MDFIC2: variants seen among roughly 807,000 people sequenced by gnomAD.
MDFIC2 encodes myoD family inhibitor domain-containing protein 2.
At chr3:70,197,345 C>A in intron 3 of MDFIC2, among the ~76,000 whole-genome samples, 160 bp from the exon 4 acceptor site, 1 of 152,202 alleles carries the variant, frequency 6.6e-6, no homozygotes, top group East Asian at 1.9e-4. Flanking sequence ...TCCCCCACCC[C>A]CATGTCAGTA....
chr3:70,287,490 G>A (rs2106688626), intron 2 of MDFIC2, among the ~76,000 whole-genome samples: 1 of 152,078 alleles, frequency 6.6e-6, no homozygotes, highest in East Asian at 1.9e-4. Flanking sequence ...TTGCATCAAT[G>A]TTCATTAAGG....
At chr3:70,211,552 C>T (rs867715605) in intron 2 of MDFIC2, among the ~76,000 whole-genome samples, 426 of 41,752 alleles carry the variant, frequency 0.01, 45 homozygotes, top group East Asian at 0.025. Context: ...CTTCCCTTCC[C>T]TTCCCTTTGC....
In MDFIC2 at chr3:70,195,588, G is replaced by A. The variant is rs962295418; in HGVS notation, c.*1338C>T. On this transcript the variant is annotated 3_prime_UTR_variant, in exon 4 of 4. Coordinates refer to ENST00000567252, the MANE Select transcript of MDFIC2 (RefSeq NM_001364677.1). ...AAGTCAGGAAAAAACAGGTATTTTG[G>A]AGCTTTCTTTTGTTGTTGCTGTTTC... 6.6e-6 allele frequency among the ~76,000 whole-genome samples: 1 copy of A among 152,204 alleles called. No homozygotes were observed. Among genetic ancestry groups the A allele is most frequent in the Middle Eastern group, 3.4e-3 (1 of 294 alleles).
At chr3:70,240,088 A>G (rs1201445248) in intron 2 of MDFIC2, among the ~76,000 whole-genome samples, 1 of 152,122 alleles carries the variant, frequency 6.6e-6, no homozygotes. Context: ...TACACAGGAC[A>G]TTTCTTTAAC....
chr3:70,293,045 C>CAAAAAAAA (rs55990203), intron 2 of MDFIC2, among the ~76,000 whole-genome samples: 1 of 74,818 alleles, frequency 1.3e-5, no homozygotes, highest in Non-Finnish European at 2.9e-5. Context: ...TGGTTTGAAG[C>CAAAAAAAA]AAAAAAAAAA....
intron 2 of MDFIC2, among the ~76,000 whole-genome samples, chr3:70,242,306 C>A (rs1701672491): frequency 6.6e-6 from 1 of 152,146 alleles, no homozygotes; most frequent in Non-Finnish European, 1.5e-5. Context: ...GTGGGAAAAA[C>A]ACATAGTGAC....
chr3:70,299,693 A>T (rs891185421), intron 2 of MDFIC2, among the ~76,000 whole-genome samples: 3 of 151,914 alleles, frequency 2.0e-5, no homozygotes, highest in Non-Finnish European at 4.4e-5. Flanking sequence ...CTAACTAGTC[A>T]CTCTGGTTTC....
At chr3:70,228,269 A>G (rs1009665901) in intron 2 of MDFIC2, among the ~76,000 whole-genome samples, 5 of 152,060 alleles carry the variant, frequency 3.3e-5, no homozygotes, top group African/African-American at 7.2e-5. Flanking sequence ...AAAACATAAC[A>G]CTATATTATA....
chr3:70,222,205 G>C (rs1327292749), intron 2 of MDFIC2, among the ~76,000 whole-genome samples: 1 of 152,164 alleles, frequency 6.6e-6, no homozygotes, highest in Non-Finnish European at 1.5e-5. Context: ...CAGGTGAACA[G>C]TCAGAGCCTT....
chr3:70,230,507 TA>T (rs1701548331), intron 2 of MDFIC2, among the ~76,000 whole-genome samples: 1 of 152,160 alleles, frequency 6.6e-6, no homozygotes, highest in Non-Finnish European at 1.5e-5. Context: ...ATCATATATA[TA>T]TATATACAGT....
rs143845000 is a variant in MDFIC2 at position 70,254,238 on chromosome 3, CT to C, written c.89-47449del. On this transcript the variant is annotated intron_variant, in intron 2 of 3. Transcript: ENST00000567252. ...CAGCTGTGAAGTCTGCATTTGAATT[CT>C]GTTAAGTTTAATGGATAAATTAAAG... Among the ~76,000 whole-genome samples, 707 of 152,186 alleles carry C rather than the reference CT, an allele frequency of 4.6e-3. 5 individuals are homozygous for C. The highest frequency in any genetic ancestry group is 7.9e-3 in the Non-Finnish European group (540 of 67,990).
chr3:70,221,074 C>A (rs1701457158), intron 2 of MDFIC2, among the ~76,000 whole-genome samples: 1 of 152,104 alleles, frequency 6.6e-6, no homozygotes, highest in Non-Finnish European at 1.5e-5. Context: ...ATAACTAGCA[C>A]TGGTGAAATA....
At chr3:70,239,163 G>T (rs1432410636) in intron 2 of MDFIC2, among the ~76,000 whole-genome samples, 5 of 152,166 alleles carry the variant, frequency 3.3e-5, no homozygotes, top group Non-Finnish European at 7.4e-5. Flanking sequence ...AGTGAAAAGT[G>T]GGGCTAGGAA....
At chr3:70,241,065 T>C (rs568405137) in intron 2 of MDFIC2, among the ~76,000 whole-genome samples, 1 of 152,260 alleles carries the variant, frequency 6.6e-6, no homozygotes, top group East Asian at 1.9e-4. Flanking sequence ...GTTTTTAGCC[T>C]GTGATGTGAC....
intron 2 of MDFIC2, among the ~76,000 whole-genome samples, chr3:70,210,492 T>C (rs1029634377): frequency 5.3e-5 from 8 of 152,132 alleles, no homozygotes; most frequent in Middle Eastern, 3.2e-3. Flanking sequence ...TTCCATCTTT[T>C]ATAGATGATG....
At chr3:70,199,513 G>A (rs1701215033) in intron 3 of MDFIC2, among the ~76,000 whole-genome samples, 1 of 152,044 alleles carries the variant, frequency 6.6e-6, no homozygotes, top group South Asian at 2.1e-4. Flanking sequence ...GTTTTAAAAG[G>A]CAGAGTCTCT....
At position 70,197,034 on chromosome 3, in the gene MDFIC2, A is replaced by G. The variant is rs954461467; in HGVS notation, c.462T>C (p.Asn154=). The change falls in exon 4 of 4, where the codon AAT becomes AAC. Residue 154 remains asparagine, a synonymous_variant. Coordinates refer to ENST00000567252, the MANE Select transcript of MDFIC2 (RefSeq NM_001364677.1). ...HHTSDENHSR[N]DCSCNCDMDC... ...CCATGTCACAATTGCAGCTGCAATCATTCCGAGAGTGGTTTTCATCCGAGG... is the reference window on the plus strand; with the variant it reads ...CCATGTCACAATTGCAGCTGCAATCGTTCCGAGAGTGGTTTTCATCCGAGG... 5.0e-6 allele frequency: 2 copies of G among 398,504 alleles called. No homozygotes were observed. Among genetic ancestry groups the G allele is most frequent in the African/African-American group, 4.1e-5 (2 of 48,642 alleles). 24.7% of individuals were successfully genotyped at this position (398,504 alleles called of 1,614,324 possible).
chr3:70,294,388 C>T (rs1230417079), intron 2 of MDFIC2, among the ~76,000 whole-genome samples: 1 of 152,010 alleles, frequency 6.6e-6, no homozygotes, highest in Non-Finnish European at 1.5e-5. Flanking sequence ...TATAAGCATT[C>T]ACTGCTGACA....
intron 2 of MDFIC2, among the ~76,000 whole-genome samples, chr3:70,283,409 T>A (rs1276126848): frequency 6.6e-6 from 1 of 152,100 alleles, no homozygotes; most frequent in Non-Finnish European, 1.5e-5. Context: ...TGACGAATAC[T>A]GAAATTCTCC....
Sources: allele counts gnomAD v4.1 joint callset (sites outside exome capture counted in the v4.1 genomes callset), GRCh38; gene constraint gnomAD v4.1.1; transcripts MANE v1.5; gene names NCBI Gene and HGNC (gene_info 2026-07-23, HGNC 2026-07-21).